CNTN1: variants seen among roughly 807,000 people sequenced by gnomAD.
CNTN1 encodes contactin-1.
Under a neutral mutation model 126.4 loss-of-function variants are expected in CNTN1, and 38 were observed. The observed-to-expected ratio is 0.30, with a 90% CI of 0.23 to 0.39. CNTN1 has a LOEUF of 0.39. CNTN1 is among the 10% of genes least tolerant of loss of function. CNTN1 has a pLI of 1.00. For missense variants in CNTN1, 1,009 were observed against 1,248.4 expected, an observed-to-expected ratio of 0.81 and a Z score of 2.89; for synonymous variants, 413 against 422.6, an observed-to-expected ratio of 0.98 and a Z score of 0.28.
chr12:40,997,195 C>T (rs12320352), intron 17 of CNTN1, among the ~76,000 whole-genome samples: 1 of 152,108 alleles, frequency 6.6e-6, no homozygotes, highest in African/African-American at 2.4e-5. Flanking sequence ...ACAAAAGTAC[C>T]CTTTGAAATA....
intron 1 of CNTN1, among the ~76,000 whole-genome samples, chr12:40,897,215 T>C (rs769116405): frequency 6.6e-5 from 10 of 152,174 alleles, no homozygotes; most frequent in Non-Finnish European, 1.0e-4. Flanking sequence ...GGAGGTCAAA[T>C]TGACATTTGT....
intron 1 of CNTN1, among the ~76,000 whole-genome samples, chr12:40,880,653 G>A (rs890977128): frequency 6.6e-6 from 1 of 152,034 alleles, no homozygotes; most frequent in African/African-American, 2.4e-5. Flanking sequence ...GACAATAAGT[G>A]TCAGAGAACC....
intron 16 of CNTN1, among the ~76,000 whole-genome samples, chr12:40,983,863 TTATAGCATATTTTATTTTATGCTA>T (rs1947883041): frequency 1.5e-5 from 1 of 67,010 alleles, no homozygotes; most frequent in African/African-American, 7.1e-5. Flanking sequence ...TTATATGCTA[TTATAGCATATTTTATTTTATGCTA>T]TTATAGCATA....
intron 14 of CNTN1, among the ~76,000 whole-genome samples, chr12:40,947,485 A>G (rs1313188849): frequency 6.6e-6 from 1 of 152,052 alleles, no homozygotes; most frequent in Non-Finnish European, 1.5e-5. Flanking sequence ...GTAAATACAA[A>G]AGGCAGAGCC....
At chr12:40,965,481 A>G (rs1947273464) in intron 15 of CNTN1, among the ~76,000 whole-genome samples, 1 of 152,202 alleles carries the variant, frequency 6.6e-6, no homozygotes, top group African/African-American at 2.4e-5. Flanking sequence ...CTAAATAGTA[A>G]AAGTTATTGA....
chr12:40,822,157 T>TTTTTTTTTTTTTTTTG (rs1941464257), intron 1 of CNTN1, among the ~76,000 whole-genome samples: 1 of 123,844 alleles, frequency 8.1e-6, no homozygotes, highest in African/African-American at 2.9e-5. Flanking sequence ...TCTTTTTTTT[T>TTTTTTTTTTTTTTTTG]TTTTTTTTTT....
intron 1 of CNTN1, among the ~76,000 whole-genome samples, chr12:40,737,404 A>G (rs1187957027): frequency 1.4e-5 from 2 of 143,952 alleles, no homozygotes; most frequent in Non-Finnish European, 3.0e-5. Flanking sequence ...GTATTAATTT[A>G]CATGATAGCA....
At chr12:40,881,513 G>A (rs936525293) in intron 1 of CNTN1, among the ~76,000 whole-genome samples, 2 of 151,674 alleles carry the variant, frequency 1.3e-5, no homozygotes, top group Admixed American at 6.6e-5. Flanking sequence ...GGTTATTTTT[G>A]CATGGCACCC....
At chr12:40,781,649 A>G (rs1218323910) in intron 1 of CNTN1, among the ~76,000 whole-genome samples, 3 of 152,018 alleles carry the variant, frequency 2.0e-5, no homozygotes, top group Non-Finnish European at 2.9e-5. Context: ...TTAAACCAAT[A>G]TCTGGGTTGA....
chr12:40,956,041 T>G (rs2136996113), intron 14 of CNTN1, among the ~76,000 whole-genome samples: 1 of 152,246 alleles, frequency 6.6e-6, no homozygotes, highest in Admixed American at 6.6e-5. Flanking sequence ...AAGAAAAGCC[T>G]CATTATTTGT....
chr12:40,869,983 A>G (rs1464430973), intron 1 of CNTN1, among the ~76,000 whole-genome samples: 1 of 152,124 alleles, frequency 6.6e-6, no homozygotes, highest in South Asian at 2.1e-4. Context: ...TGATTGAATC[A>G]TGGGGGTGGG....
At chr12:40,698,161 A>G (rs376331157) in intron 1 of CNTN1, among the ~76,000 whole-genome samples, 2 of 149,558 alleles carry the variant, frequency 1.3e-5, no homozygotes. Context: ...GTTAAGAGTT[A>G]TGCAGAGCTT....
At position 40,720,710 on chromosome 12, in the gene CNTN1, C is replaced by T. The variant is rs568279202; in HGVS notation, c.-77+28118C>T. Among the ~76,000 whole-genome samples the T allele has an allele frequency of 6.6e-5, 10 of 152,092 alleles. No homozygotes were observed. In the East Asian group the frequency reaches 1.5e-3, roughly 24 times the overall value. ...TTGGGAAGCTAAGGCGAGTGGATCA[C>T]GAGGTCAGGAGATCAAGACCATCCT... On this transcript the variant is annotated intron_variant, in intron 1 of 23. Transcript: ENST00000551295.
At chr12:41,008,878 A>G (rs1948574665) in intron 17 of CNTN1, among the ~76,000 whole-genome samples, 1 of 152,240 alleles carries the variant, frequency 6.6e-6, no homozygotes, top group Non-Finnish European at 1.5e-5. Context: ...ATGAGCATGG[A>G]GAACTAAAAA....
Position 41,047,395 on chromosome 12 carries a change from G to A in CNTN1, c.2980+18176G>A, listed in dbSNP as rs1467418560. ...CCTTCACCTTTTAACTTTATCTGAA[G>A]TCTTGCTCTCCCTGATGACATTGCT... On this transcript the variant is annotated intron_variant, in intron 23 of 23. Coordinates refer to ENST00000551295, the MANE Select transcript of CNTN1 (RefSeq NM_001843.4). Among the ~76,000 whole-genome samples the A allele has an allele frequency of 2.0e-5, 3 of 152,060 alleles. No individual in the cohort carries two copies. The East Asian group carries it at 5.8e-4, about 29-fold the overall frequency.
At chr12:40,905,771 G>T (rs1380799710) in intron 1 of CNTN1, among the ~76,000 whole-genome samples, 5 of 151,996 alleles carry the variant, frequency 3.3e-5, no homozygotes, top group African/African-American at 1.2e-4. Flanking sequence ...TATTTTGTAT[G>T]TGTAACTCAA....
intron 1 of CNTN1, among the ~76,000 whole-genome samples, chr12:40,762,369 T>A (rs1407700069): frequency 7.7e-6 from 1 of 129,612 alleles, no homozygotes; most frequent in African/African-American, 2.8e-5. Flanking sequence ...AAAATCATGA[T>A]GATAAGACAA....
At chr12:41,015,366 A>G (rs1174596741) in intron 18 of CNTN1, among the ~76,000 whole-genome samples, 1 of 152,182 alleles carries the variant, frequency 6.6e-6, no homozygotes, top group African/African-American at 2.4e-5. Flanking sequence ...CTTATAAAAA[A>G]TTCAGTATTG....
intron 23 of CNTN1, among the ~76,000 whole-genome samples, chr12:41,042,434 C>T (rs11834513): frequency 0.12 from 18,246 of 151,686 alleles, 1,991 homozygotes; most frequent in African/African-American, 0.27. Context: ...CTATTAGGTC[C>T]GCTTGGTGCA....
Sources: gnomAD v4.1 joint callset for allele counts (sites outside exome capture counted in the v4.1 genomes callset) on GRCh38, gnomAD v4.1.1 for gene constraint, MANE v1.5 for transcripts, NCBI Gene and HGNC (gene_info 2026-07-23, HGNC 2026-07-21) for gene names.